The following FAM83B variants were observed in gnomAD, a reference collection of about 807,000 sequenced individuals.
The protein encoded by FAM83B is scaffolding CK1 anchoring protein B, also known as protein FAM83B.
In FAM83B, 26 loss-of-function variants were observed where a neutral mutation model predicts 38.8. The observed-to-expected ratio is 0.67, with a 90% CI of 0.49 to 0.93. FAM83B has a LOEUF of 0.93. FAM83B is among the 40% of genes least tolerant of loss of function. The probability of loss-of-function intolerance (pLI) is 0.00; values close to 1 mark genes in which losing one functional copy is unlikely to be tolerated. For synonymous variants in FAM83B, 419 were observed against 423.1 expected, an observed-to-expected ratio of 0.99 and a Z score of 0.12; for missense variants, 1,237 against 1,197.3, an observed-to-expected ratio of 1.03 and a Z score of -0.49.
In FAM83B at chr6:54,915,589, G is replaced by T. The variant is rs570886233; in HGVS notation, c.445-10782G>T. ...TGGGAGGCCGAGGCGGGTGGATCATGAGGTCAGGAGATCGAGACCATCCTG... is the reference window on the plus strand; with the variant it reads ...TGGGAGGCCGAGGCGGGTGGATCATTAGGTCAGGAGATCGAGACCATCCTG... On this transcript the variant is annotated intron_variant, in intron 2 of 4. Transcript: ENST00000306858. Among the ~76,000 whole-genome samples the T allele has an allele frequency of 8.8e-5, 12 of 136,274 alleles. 3 individuals carry two copies. Among genetic ancestry groups the T allele is most frequent in the African/African-American group, 3.8e-4 (12 of 31,338 alleles). 89.4% of individuals were successfully genotyped at this position (136,274 alleles called of 152,430 possible). A position where few individuals can be genotyped will look rare whatever the true frequency, so the allele number is the denominator to read the frequency against.
intron 1 of FAM83B, among the ~76,000 whole-genome samples, chr6:54,858,901 ACT>A (rs1771508061): frequency 6.6e-6 from 1 of 152,190 alleles, no homozygotes; most frequent in East Asian, 1.9e-4. Context: ...CTTTTACAGT[ACT>A]CAGCGCATTT....
intron 4 of FAM83B, among the ~76,000 whole-genome samples, chr6:54,930,649 G>C (rs1773398219): frequency 3.3e-5 from 5 of 152,040 alleles, no homozygotes; most frequent in Admixed American, 3.3e-4. Flanking sequence ...TTGCTGCTGA[G>C]AAGTTTCAGC....
In FAM83B at chr6:54,870,478, G is replaced by T; in HGVS notation, c.232G>T (p.Gly78Cys). 6.2e-7 allele frequency: 1 copy of T among 1,613,968 alleles called. No individual in the cohort carries two copies. The highest frequency in any genetic ancestry group is 1.1e-5 in the South Asian group (1 of 91,066). Residue 78 changes from glycine (G) to cysteine (C), a missense_variant, in exon 2 of 5, where the codon GGT (glycine) becomes TGT (cysteine). Physicochemically the swap from Gly to Cys is radical, Grantham distance 159. Transcript: ENST00000306858. ...VQKVAQSTAH[G>C]TDDSCDDTLS... ...GAAAGTTGCACAAAGCACAGCACAT[G>T]GTACTGATGATTCCTGTGATGATAC... is the stretch of plus-strand genomic sequence containing the variant.
intron 1 of FAM83B, among the ~76,000 whole-genome samples, chr6:54,858,409 A>G (rs1406558591): frequency 1.3e-5 from 2 of 152,202 alleles, no homozygotes; most frequent in African/African-American, 2.4e-5. Flanking sequence ...TATTTGGATG[A>G]CTTATTGGAT....
At chr6:54,916,131 C>T (rs990521254) in intron 2 of FAM83B, among the ~76,000 whole-genome samples, 9 of 152,138 alleles carry the variant, frequency 5.9e-5, no homozygotes, top group Non-Finnish European at 7.3e-5. Context: ...CTTCCTAAAG[C>T]TTCTGCTCCT....
At chr6:54,867,283 T>C (rs887327213) in intron 1 of FAM83B, among the ~76,000 whole-genome samples, 11 of 152,002 alleles carry the variant, frequency 7.2e-5, no homozygotes, top group African/African-American at 2.2e-4. Context: ...ATTAAGTCTA[T>C]AATTAAATAC....
intron 2 of FAM83B, among the ~76,000 whole-genome samples, chr6:54,896,136 C>A (rs1772527576): frequency 6.6e-6 from 1 of 152,068 alleles, no homozygotes; most frequent in Non-Finnish European, 1.5e-5. Context: ...GTGATCCCCC[C>A]TGCTTGGCCT....
At chr6:54,924,080 A>G (rs560977220) in intron 2 of FAM83B, among the ~76,000 whole-genome samples, 1 of 152,082 alleles carries the variant, frequency 6.6e-6, no homozygotes, top group African/African-American at 2.4e-5. Flanking sequence ...GACATCACTC[A>G]GTATTTGTCT....
Position 54,940,714 on chromosome 6 carries a change from A to C in FAM83B, c.1743A>C (p.Pro581=), listed in dbSNP as rs368617493. ...GAAGTGAGACACCTAAAGAGGTCCC[A>C]GACACCCCTACGAATGTACAGCATT... ...SQGSETPKEV[P]DTPTNVQHLT... The change falls in exon 5 of 5, where the codon CCA becomes CCC. Residue 581 remains proline, a synonymous_variant. Transcript: ENST00000306858. The C allele has an allele frequency of 6.2e-7, 1 of 1,614,058 alleles. No individual in the cohort carries two copies. The highest frequency in any genetic ancestry group is 1.3e-5 in the African/African-American group (1 of 75,040).
At position 54,861,680 on chromosome 6, in the gene FAM83B, A is replaced by G. The variant is rs573310066; in HGVS notation, c.-60-8507A>G. On this transcript the variant is annotated intron_variant, in intron 1 of 4. Coordinates refer to ENST00000306858, the MANE Select transcript of FAM83B (RefSeq NM_001010872.3). ...GGAAGAAGCAATGAATCCCAGGTAAAATGGCCCCAAATCTAGTTGGAGTGT... is the reference window on the plus strand; with the variant it reads ...GGAAGAAGCAATGAATCCCAGGTAAGATGGCCCCAAATCTAGTTGGAGTGT... Among the ~76,000 whole-genome samples the G allele has an allele frequency of 4.6e-5, 7 of 152,304 alleles. No individual in the cohort carries two copies. The South Asian group carries it at 1.2e-3, about 27-fold the overall frequency.
intron 1 of FAM83B, among the ~76,000 whole-genome samples, chr6:54,862,713 C>G (rs569265668): frequency 6.6e-6 from 1 of 152,088 alleles, no homozygotes; most frequent in South Asian, 2.1e-4. Context: ...CCCATCTCTA[C>G]TAAAATACAA....
intron 2 of FAM83B, among the ~76,000 whole-genome samples, chr6:54,883,769 T>A (rs1772198452): frequency 6.6e-6 from 1 of 152,164 alleles, no homozygotes; most frequent in East Asian, 1.9e-4. Flanking sequence ...TAATGGTTTT[T>A]TTTTTTGGAT....
chr6:54,936,138 T>A (rs1773519106), intron 4 of FAM83B, among the ~76,000 whole-genome samples: 1 of 152,166 alleles, frequency 6.6e-6, no homozygotes, highest in Non-Finnish European at 1.5e-5. Context: ...TTCCAAGCCC[T>A]GAAGCATGTC....
chr6:54,880,912 C>G (rs956895756), intron 2 of FAM83B, among the ~76,000 whole-genome samples: 2 of 152,034 alleles, frequency 1.3e-5, no homozygotes, highest in Non-Finnish European at 2.9e-5. Flanking sequence ...CATGTATACA[C>G]AAGTGAATGT....
chr6:54,924,188 TAC>T (rs59997305), intron 2 of FAM83B, among the ~76,000 whole-genome samples: 43,220 of 147,588 alleles, frequency 0.29, 7,844 homozygotes, highest in African/African-American at 0.52. Flanking sequence ...TATTCATTTA[TAC>T]ACACACACAC....
At chr6:54,853,295 A>G (rs1771357283) in intron 1 of FAM83B, among the ~76,000 whole-genome samples, 1 of 152,238 alleles carries the variant, frequency 6.6e-6, no homozygotes, top group Non-Finnish European at 1.5e-5. Flanking sequence ...AAGATAATTG[A>G]TGAACAAAGT....
chr6:54,861,067 C>T (rs899890249), intron 1 of FAM83B, among the ~76,000 whole-genome samples: 2 of 152,148 alleles, frequency 1.3e-5, no homozygotes, highest in East Asian at 1.9e-4. Context: ...CCACCATGCC[C>T]GGCCATGGGT....
chr6:54,901,843 C>G (rs565106206), intron 2 of FAM83B, among the ~76,000 whole-genome samples: 2 of 152,254 alleles, frequency 1.3e-5, no homozygotes, highest in South Asian at 4.1e-4. Context: ...ATTTTTATGA[C>G]AAACAGCTAA....
At chr6:54,860,768 C>T (rs796428995) in intron 1 of FAM83B, among the ~76,000 whole-genome samples, 4 of 152,274 alleles carry the variant, frequency 2.6e-5, no homozygotes, top group African/African-American at 7.2e-5. Context: ...TCGTATCACA[C>T]CCCATATACG....
Sources: allele counts gnomAD v4.1 joint callset (sites outside exome capture counted in the v4.1 genomes callset), GRCh38; gene constraint gnomAD v4.1.1; transcripts MANE v1.5; gene names NCBI Gene and HGNC (gene_info 2026-07-23, HGNC 2026-07-21).